ABCC11: variants seen among roughly 807,000 people sequenced by gnomAD.
ABCC11 encodes ATP-binding cassette sub-family C member 11.
ABCC11 carries 135 observed loss-of-function variants against 149.3 expected under a neutral mutation model. That is an observed-to-expected ratio of 0.90 (90% CI 0.79 to 1.04). The LOEUF (loss-of-function observed/expected upper bound fraction) is 1.04. ABCC11 is among the 50% of genes least tolerant of loss of function. The pLI is 0.00. For synonymous variants in ABCC11, 665 were observed against 671.4 expected (o/e 0.99, Z 0.15); for missense variants, 1,680 against 1,722.1 (o/e 0.98, Z 0.43).
At chr16:48,243,118 T>G (rs62059405) in intron 1 of ABCC11, among the ~76,000 whole-genome samples, 1 of 147,480 alleles carries the variant, frequency 6.8e-6, no homozygotes, top group Non-Finnish European at 1.5e-5. Context: ...AAAAAAAAAT[T>G]GGACGGGCGC....
rs55745744 is a variant in ABCC11, at chr16:48,204,288, T to C, written c.1806-988A>G. On this transcript the variant is annotated intron_variant, in intron 13 of 29. Transcript: ENST00000356608. ...ACAAGATGAGAGCTGGGACTTAGGATGATTGCCCTGGAGACAATCTTACGC... is the reference window on the plus strand; with the variant it reads ...ACAAGATGAGAGCTGGGACTTAGGACGATTGCCCTGGAGACAATCTTACGC... Among the ~76,000 whole-genome samples the C allele has an allele frequency of 2.5e-3, 386 of 152,294 alleles. 3 individuals carry two copies. The highest frequency in any genetic ancestry group is 8.5e-3 in the African/African-American group (354 of 41,562).
intron 20 of ABCC11, among the ~76,000 whole-genome samples, chr16:48,191,586 A>C (rs527614315): frequency 6.6e-6 from 1 of 152,362 alleles, no homozygotes; most frequent in South Asian, 2.1e-4. Context: ...TCAAAAAATA[A>C]AGTTGGCTTG....
chr16:48,237,668 C>T (rs980650406), intron 1 of ABCC11, among the ~76,000 whole-genome samples: 3 of 152,198 alleles, frequency 2.0e-5, no homozygotes, highest in Admixed American at 1.3e-4. Flanking sequence ...ACCCAAACTC[C>T]TTACCAGAGC....
chr16:48,173,331 C>T (rs190617094), intron 26 of ABCC11, among the ~76,000 whole-genome samples: 3 of 152,114 alleles, frequency 2.0e-5, no homozygotes, highest in Non-Finnish European at 1.5e-5. Flanking sequence ...ATCTCATGTT[C>T]GCCATTTCTT....
chr16:48,236,987 A>G (rs1363930341), intron 1 of ABCC11, among the ~76,000 whole-genome samples: 2 of 152,230 alleles, frequency 1.3e-5, no homozygotes, highest in Non-Finnish European at 2.9e-5. Flanking sequence ...CCTACTGCTC[A>G]AGGTCATCAC....
intron 15 of ABCC11, 32 bp downstream of exon 15, chr16:48,200,244 A>G: frequency 1.2e-6 from 2 of 1,600,404 alleles, no homozygotes; most frequent in Non-Finnish European, 1.7e-6. Context: ...GTTATCCGTC[A>G]ATCACAGTCA....
intron 18 of ABCC11, among the ~76,000 whole-genome samples, chr16:48,194,611 G>A (rs1008956492): frequency 2.0e-5 from 3 of 152,204 alleles, no homozygotes; most frequent in South Asian, 4.1e-4. Flanking sequence ...CGACCATGAG[G>A]ATGGAGCCCT....
chr16:48,246,832 T>C (rs1233560646), intron 1 of ABCC11, among the ~76,000 whole-genome samples: 1 of 152,114 alleles, frequency 6.6e-6, no homozygotes, highest in Non-Finnish European at 1.5e-5. Flanking sequence ...CTTTGGCCTC[T>C]GGAGTAGCTG....
At chr16:48,202,067 A>T (rs183459325) in intron 14 of ABCC11, among the ~76,000 whole-genome samples, 1 of 152,140 alleles carries the variant, frequency 6.6e-6, no homozygotes, top group African/African-American at 2.4e-5. Context: ...CCATTCATTC[A>T]TTTACTTATT....
At chr16:48,237,964 T>C (rs1240200140) in intron 1 of ABCC11, among the ~76,000 whole-genome samples, 1 of 152,234 alleles carries the variant, frequency 6.6e-6, no homozygotes, top group Non-Finnish European at 1.5e-5. Flanking sequence ...CCAGAAATAT[T>C]TTCCTTATTT....
In ABCC11 at chr16:48,230,575, T is replaced by C. The variant is rs767987075; in HGVS notation, c.100-2A>G. 7.7e-6 allele frequency: 12 copies of C among 1,559,242 alleles called. No individual in the cohort carries two copies. Among genetic ancestry groups the C allele is most frequent in the Middle Eastern group, 1.7e-4 (1 of 5,842 alleles). On this transcript the variant is annotated splice_acceptor_variant, in intron 2 of 29. Coordinates refer to ENST00000356608, the MANE Select transcript of ABCC11 (RefSeq NM_001370497.1). LOFTEE classifies it high-confidence loss of function. ...GCCATCTTGGAGAGTATAGGTTTTC[T>C]TGGAAAAGAAAAACAAAAGAGCATC...
chr16:48,173,239 G>A (rs1418146129), intron 26 of ABCC11, among the ~76,000 whole-genome samples: 1 of 152,122 alleles, frequency 6.6e-6, no homozygotes, highest in Non-Finnish European at 1.5e-5. Flanking sequence ...TTCTAAGGTA[G>A]GATTTCAAGT....
At chr16:48,194,287 T>C (rs544994446) in intron 18 of ABCC11, among the ~76,000 whole-genome samples, 2 of 152,138 alleles carry the variant, frequency 1.3e-5, no homozygotes, top group East Asian at 3.9e-4. Flanking sequence ...GAAGATGATA[T>C]GATATAATGT....
At chr16:48,176,547 C>T (rs1966083273) in intron 25 of ABCC11, among the ~76,000 whole-genome samples, 1 of 152,022 alleles carries the variant, frequency 6.6e-6, no homozygotes, top group Admixed American at 6.5e-5. Context: ...CCCTGCAATG[C>T]CCCTCCAAAA....
Position 48,194,038 on chromosome 16 carries a change from C to A in ABCC11, c.2405-56G>T, listed in dbSNP as rs936899590. On this transcript the variant is annotated intron_variant, in intron 18 of 29. Transcript: ENST00000356608. ...GCCACAAACAGGTGCGAGGCAACTGCTGACTCAGCTGCTCGGCCATCTCTG... is the reference window on the plus strand; with the variant it reads ...GCCACAAACAGGTGCGAGGCAACTGATGACTCAGCTGCTCGGCCATCTCTG... 3 of 1,276,506 alleles carry A rather than the reference C, an allele frequency of 2.4e-6. No individual in the cohort carries two copies. In the African/African-American group the frequency reaches 4.4e-5, roughly 19 times the overall value. 79.1% of individuals were successfully genotyped at this position (1,276,506 alleles called of 1,614,324 possible). A position where few individuals can be genotyped will look rare whatever the true frequency, so the allele number is the denominator to read the frequency against.
At chr16:48,246,113 C>T (rs1045969067) in intron 1 of ABCC11, among the ~76,000 whole-genome samples, 6 of 152,006 alleles carry the variant, frequency 3.9e-5, no homozygotes, top group Admixed American at 1.3e-4. Flanking sequence ...GTACCTCCCC[C>T]CACCCCCGTT....
At chr16:48,232,192 C>T in intron 1 of ABCC11, 1 of 678,260 alleles carries the variant, frequency 1.5e-6, no homozygotes, top group Non-Finnish European at 2.1e-6. Flanking sequence ...ACCCCCAACA[C>T]CGCACCCTTG....
chr16:48,229,900 A>G (rs1272480266), intron 3 of ABCC11, among the ~76,000 whole-genome samples: 1 of 152,098 alleles, frequency 6.6e-6, no homozygotes, highest in East Asian at 1.9e-4. Context: ...TGGACACATC[A>G]TGCTGTGTTC....
chr16:48,194,603 A>T (rs953968227), intron 18 of ABCC11, among the ~76,000 whole-genome samples: 6 of 152,250 alleles, frequency 3.9e-5, no homozygotes, highest in Non-Finnish European at 8.8e-5. Flanking sequence ...AGAGGTGACG[A>T]CCATGAGGAT....
Sources: gnomAD v4.1 joint callset for allele counts (sites outside exome capture counted in the v4.1 genomes callset) on GRCh38, gnomAD v4.1.1 for gene constraint, MANE v1.5 for transcripts, NCBI Gene and HGNC (gene_info 2026-07-23, HGNC 2026-07-21) for gene names.